The following SMOC1 variants were observed in gnomAD, a reference collection of about 807,000 sequenced individuals.
SMOC1 encodes the protein SPARC-related modular calcium-binding protein 1.
In SMOC1, 22 loss-of-function variants were observed where a neutral mutation model predicts 56.3. That is an observed-to-expected ratio of 0.39 (90% CI 0.28 to 0.56). SMOC1 has a LOEUF of 0.56. Among genes scored for constraint, SMOC1 ranks in the 20% least tolerant of loss-of-function variants. The pLI is 0.61. For missense variants in SMOC1, 509 were observed against 565.4 expected (o/e 0.90, Z 1.01); for synonymous variants, 193 against 215.0 (o/e 0.90, Z 0.89).
intron 1 of SMOC1, among the ~76,000 whole-genome samples, chr14:69,919,116 A>G (rs1884763578): frequency 6.6e-6 from 1 of 152,188 alleles, no homozygotes; most frequent in Admixed American, 6.5e-5. Context: ...TACTTTTTGC[A>G]GAAGAGGGTA....
chr14:69,976,385 C>G (rs1435040005), intron 4 of SMOC1, among the ~76,000 whole-genome samples: 1 of 152,194 alleles, frequency 6.6e-6, no homozygotes, highest in Non-Finnish European at 1.5e-5. Flanking sequence ...TCGAGGCTTC[C>G]TCTTGTATAT....
At chr14:70,013,621 A>C in intron 10 of SMOC1, 130 bp downstream of exon 10, 1 of 801,590 alleles carries the variant, frequency 1.2e-6, no homozygotes. Flanking sequence ...CTTTTTCCTG[A>C]AACCATGTAC....
At chr14:70,017,639 C>G (rs1885565709) in intron 10 of SMOC1, among the ~76,000 whole-genome samples, 1 of 152,186 alleles carries the variant, frequency 6.6e-6, no homozygotes, top group African/African-American at 2.4e-5. Flanking sequence ...TCCTCCCAGT[C>G]TACTTCCTGT....
In SMOC1 at chr14:70,032,057, T is replaced by C. The variant is rs1368869179; in HGVS notation, c.*1799T>C. 1 of 152,346 alleles carries C rather than the reference T, an allele frequency of 6.6e-6. No homozygotes were observed. The highest frequency in any genetic ancestry group is 1.5e-5 in the Non-Finnish European group (1 of 68,132). 9.4% of individuals were successfully genotyped at this position (152,346 alleles called of 1,614,324 possible). On this transcript the variant is annotated 3_prime_UTR_variant, in exon 12 of 12. Transcript: ENST00000361956. The stretch of plus-strand genomic sequence containing the variant: ...TCCTAGAGGTTATCTCAGGAATGAC[T>C]GGTGGCCCTGCCCCAACGTGGAAAG...
intron 1 of SMOC1, among the ~76,000 whole-genome samples, chr14:69,933,398 A>G (rs1006829108): frequency 6.6e-6 from 1 of 152,134 alleles, no homozygotes; most frequent in Non-Finnish European, 1.5e-5. Flanking sequence ...TAACACATGT[A>G]CTGTTTCTGA....
At chr14:69,912,967 T>C (rs1379736600) in intron 1 of SMOC1, among the ~76,000 whole-genome samples, 1 of 152,232 alleles carries the variant, frequency 6.6e-6, no homozygotes, top group Non-Finnish European at 1.5e-5. Flanking sequence ...CCTATTACTT[T>C]CAGTTCCTTT....
At position 70,023,485 on chromosome 14, in the gene SMOC1, T is replaced by G. The variant is rs1376598305; in HGVS notation, c.1291+38T>G. 9 of 1,613,490 alleles carry G rather than the reference T, an allele frequency of 5.6e-6. No individual in the cohort carries two copies. In the East Asian group the frequency reaches 2.0e-4, roughly 36 times the overall value. On this transcript the variant is annotated intron_variant, in intron 11 of 11. Coordinates refer to ENST00000361956, the MANE Select transcript of SMOC1 (RefSeq NM_001034852.3). ...CCCTGTGCTCCTGGCCTTTCAATAC[T>G]TGCCCCCACCCAGGCATGGGACCAA...
intron 5 of SMOC1, among the ~76,000 whole-genome samples, chr14:69,989,747 G>A (rs1438480417): frequency 6.6e-6 from 1 of 152,224 alleles, no homozygotes; most frequent in East Asian, 1.9e-4. Flanking sequence ...CCAGTGCCCA[G>A]TGTGGGGCCT....
intron 7 of SMOC1, among the ~76,000 whole-genome samples, chr14:69,995,675 G>A (rs1884737713): frequency 6.6e-6 from 1 of 152,110 alleles, no homozygotes; most frequent in Admixed American, 6.5e-5. Flanking sequence ...TCCCTCAAAG[G>A]ACTATGGTTA....
At chr14:69,943,877 G>A (rs887101091) in intron 1 of SMOC1, among the ~76,000 whole-genome samples, 2 of 152,218 alleles carry the variant, frequency 1.3e-5, no homozygotes, top group Non-Finnish European at 2.9e-5. Context: ...TGTTGCCAGA[G>A]CTGACAGCAA....
At chr14:69,895,264 G>T (rs115103027) in intron 1 of SMOC1, among the ~76,000 whole-genome samples, 1 of 152,196 alleles carries the variant, frequency 6.6e-6, no homozygotes, top group African/African-American at 2.4e-5. Context: ...CCTGAAAAGG[G>T]GTGAGTTTCT....
chr14:69,881,384 G>A (rs994190189), intron 1 of SMOC1, among the ~76,000 whole-genome samples: 3 of 151,836 alleles, frequency 2.0e-5, no homozygotes, highest in Admixed American at 6.6e-5. Context: ...ATGGTGGGGG[G>A]CTCGTTTGTT....
intron 8 of SMOC1, 37 bp from the exon 9 acceptor site, chr14:70,011,448 G>GCGC: frequency 1.5e-6 from 2 of 1,356,898 alleles, no homozygotes; most frequent in Non-Finnish European, 1.0e-6. Flanking sequence ...TCAGTTGCCA[G>GCGC]CCCCTCCCAA....
intron 1 of SMOC1, among the ~76,000 whole-genome samples, chr14:69,913,050 T>C (rs1269125487): frequency 6.6e-6 from 1 of 152,238 alleles, no homozygotes; most frequent in Admixed American, 6.5e-5. Flanking sequence ...ACACAGATCA[T>C]GCACAGTTTG....
chr14:69,980,742 A>G (rs550107382), intron 5 of SMOC1, among the ~76,000 whole-genome samples: 10 of 152,178 alleles, frequency 6.6e-5, no homozygotes, highest in African/African-American at 1.4e-4. Flanking sequence ...ATGGCTTCTC[A>G]TAGGAGGCAT....
intron 3 of SMOC1, among the ~76,000 whole-genome samples, chr14:69,963,475 T>G (rs1181488856): frequency 6.6e-6 from 1 of 152,126 alleles, no homozygotes; most frequent in Non-Finnish European, 1.5e-5. Flanking sequence ...CCTTTTCAAA[T>G]TAGAAACTCT....
At chr14:69,987,122 T>C (rs1490018089) in intron 5 of SMOC1, among the ~76,000 whole-genome samples, 1 of 152,168 alleles carries the variant, frequency 6.6e-6, no homozygotes, top group African/African-American at 2.4e-5. Context: ...CAGAATCACA[T>C]GTGGAGGGGG....
At chr14:69,940,399 C>T (rs975142151) in intron 1 of SMOC1, among the ~76,000 whole-genome samples, 16 of 152,190 alleles carry the variant, frequency 1.1e-4, no homozygotes, top group African/African-American at 3.9e-4. Context: ...TATTTGTGTT[C>T]TTAGTAATGC....
At chr14:70,022,247 G>A (rs191643257) in intron 10 of SMOC1, among the ~76,000 whole-genome samples, 13 of 152,334 alleles carry the variant, frequency 8.5e-5, no homozygotes, top group Admixed American at 3.3e-4. Context: ...CCCTGACTCC[G>A]TTTTGGGAGA....
Sources: gnomAD v4.1 joint callset for allele counts (sites outside exome capture counted in the v4.1 genomes callset) on GRCh38, gnomAD v4.1.1 for gene constraint, MANE v1.5 for transcripts, NCBI Gene and HGNC (gene_info 2026-07-23, HGNC 2026-07-21) for gene names.